RUFY3: variants seen among roughly 807,000 people sequenced by gnomAD.
RUFY3 encodes the protein RUN and FYVE domain containing 3.
RUFY3 carries 34 observed loss-of-function variants against 84.0 expected under a neutral mutation model. That is an observed-to-expected ratio of 0.40 (90% CI 0.31 to 0.54). The LOEUF (loss-of-function observed/expected upper bound fraction) is 0.54, where lower values mean the gene tolerates loss of function less well. Ranked by LOEUF, RUFY3 falls within the 20% of genes least tolerant of loss-of-function variation. RUFY3 has a pLI of 0.39. For synonymous variants in RUFY3, 242 were observed against 252.9 expected (o/e 0.96, Z 0.41); for missense variants, 507 against 736.8 (o/e 0.69, Z 3.61).
At chr4:70,736,593 C>T (rs765108126) in intron 1 of RUFY3, among the ~76,000 whole-genome samples, 6 of 150,664 alleles carry the variant, frequency 4.0e-5, no homozygotes, top group South Asian at 2.1e-4. Flanking sequence ...TTTTCTGAGA[C>T]GGAGTTTTGC....
At chr4:70,765,141 G>A in intron 4 of RUFY3, among the ~76,000 whole-genome samples, 1 of 149,004 alleles carries the variant, frequency 6.7e-6, no homozygotes, top group Non-Finnish European at 1.5e-5. Flanking sequence ...TGATCCGAGA[G>A]CGTGCCACCA....
chr4:70,770,171 A>G (rs919375263), intron 5 of RUFY3, among the ~76,000 whole-genome samples: 12 of 152,150 alleles, frequency 7.9e-5, no homozygotes, highest in Non-Finnish European at 2.9e-5. Context: ...CATCATTCTT[A>G]AGGGCCCTAG....
At chr4:70,758,011 T>C (rs1724324632) in intron 1 of RUFY3, among the ~76,000 whole-genome samples, 2 of 152,362 alleles carry the variant, frequency 1.3e-5, no homozygotes, top group Middle Eastern at 3.4e-3. Context: ...TTCTGGCTTA[T>C]ACAATATAAC....
chr4:70,792,153 T>G (rs1209235896), intron 12 of RUFY3: 1 of 985,206 alleles, frequency 1.0e-6, no homozygotes, highest in Non-Finnish European at 1.2e-6. Context: ...CAGTACCCAT[T>G]TTTCGTATCC....
At chr4:70,803,524 G>T (rs1732498800) in intron 16 of RUFY3, among the ~76,000 whole-genome samples, 1 of 151,522 alleles carries the variant, frequency 6.6e-6, no homozygotes, top group Non-Finnish European at 1.5e-5. Flanking sequence ...GACGATCTCA[G>T]CTCACTGAAG....
chr4:70,774,668 T>TATAAA (rs1408564666), intron 6 of RUFY3, among the ~76,000 whole-genome samples: 1 of 103,586 alleles, frequency 9.7e-6, no homozygotes, highest in Non-Finnish European at 1.9e-5. Context: ...TATATATATA[T>TATAAA]ATAAAATAAA....
intron 8 of RUFY3, among the ~76,000 whole-genome samples, chr4:70,782,635 G>A (rs770373093): frequency 5.9e-5 from 9 of 151,942 alleles, no homozygotes; most frequent in Non-Finnish European, 1.2e-4. Flanking sequence ...TTTCTTGGTC[G>A]GGCGCAGTGG....
intron 1 of RUFY3, among the ~76,000 whole-genome samples, chr4:70,727,063 C>G (rs566620830): frequency 7.2e-6 from 1 of 139,808 alleles, no homozygotes; most frequent in South Asian, 2.2e-4. Context: ...TTTTTTTAAC[C>G]GAAGCAATGT....
At position 70,806,607 on chromosome 4, in the gene RUFY3, G is replaced by A. The variant is rs1732880852; in HGVS notation, c.1811G>A (p.Cys604Tyr). The A allele has an allele frequency of 3.1e-6, 5 of 1,614,134 alleles. No individual in the cohort carries two copies. In the East Asian group the frequency reaches 1.1e-4, roughly 36 times the overall value. Residue 604 changes from cysteine (C) to tyrosine (Y), a missense_variant, in exon 18 of 18, where the codon TGC becomes TAC. Transcript: ENST00000381006. ...TCAAGTATCAAGCTTGAGCGAGTTT[G>A]CAATCCCTGTCACAAGCATCTGATG... ...LPSSIKLERVCNPCHKHLMKQ... is the reference protein window; with the variant it reads ...LPSSIKLERVYNPCHKHLMKQ...
At chr4:70,728,710 CT>C (rs1445433898) in intron 1 of RUFY3, among the ~76,000 whole-genome samples, 1 of 152,060 alleles carries the variant, frequency 6.6e-6, no homozygotes, top group African/African-American at 2.4e-5. Flanking sequence ...CACATTCCTA[CT>C]CTCTGTTATC....
chr4:70,705,062 C>T, exon 1 of RUFY3: 3 of 1,284,560 alleles, frequency 2.3e-6, no homozygotes, highest in Non-Finnish European at 9.8e-7. Context: ...ACCGAGAGGG[C>T]GAGGCGGGGC....
chr4:70,743,731 A>G (rs1721701750), intron 1 of RUFY3, among the ~76,000 whole-genome samples: 2 of 152,162 alleles, frequency 1.3e-5, no homozygotes, highest in Admixed American at 1.3e-4. Flanking sequence ...ATAGATTTCC[A>G]GTCAAGTGAT....
At chr4:70,708,736 AGTGCTG>A (rs1483796864) in intron 1 of RUFY3, among the ~76,000 whole-genome samples, 1 of 152,244 alleles carries the variant, frequency 6.6e-6, no homozygotes, top group African/African-American at 2.4e-5. Flanking sequence ...TTTAAATAAC[AGTGCTG>A]AAGAATAGCA....
chr4:70,772,768 C>G (rs1472840325), intron 5 of RUFY3, among the ~76,000 whole-genome samples: 1 of 152,022 alleles, frequency 6.6e-6, no homozygotes, highest in African/African-American at 2.4e-5. Context: ...TCAAGCAATT[C>G]TCCTGCCTCA....
chr4:70,770,426 A>G (rs1172217975), intron 5 of RUFY3, among the ~76,000 whole-genome samples: 1 of 152,202 alleles, frequency 6.6e-6, no homozygotes, highest in Non-Finnish European at 1.5e-5. Context: ...AACTTGCTAC[A>G]GCTTCTATTA....
At chr4:70,723,155 A>C (rs887836696) in intron 1 of RUFY3, among the ~76,000 whole-genome samples, 1 of 152,236 alleles carries the variant, frequency 6.6e-6, no homozygotes, top group Non-Finnish European at 1.5e-5. Flanking sequence ...AGGATTGTAC[A>C]TGATGAATAC....
chr4:70,780,335 G>A (rs537611267), intron 8 of RUFY3, among the ~76,000 whole-genome samples: 2 of 151,688 alleles, frequency 1.3e-5, no homozygotes, highest in South Asian at 2.1e-4. Flanking sequence ...TTGCTTTGTC[G>A]CCCAGGTTGA....
upstream of RUFY3, among the ~76,000 whole-genome samples, chr4:70,720,499 G>A (rs575032557): frequency 5.4e-4 from 82 of 152,160 alleles, no homozygotes; most frequent in African/African-American, 1.8e-3. Context: ...CCCTGTCTTC[G>A]TAACAATATG....
At chr4:70,770,395 T>C (rs1033198735) in intron 5 of RUFY3, among the ~76,000 whole-genome samples, 1 of 152,346 alleles carries the variant, frequency 6.6e-6, no homozygotes, top group Admixed American at 6.5e-5. Context: ...TCATCAATTA[T>C]CTTAATTAGA....
Sources: gnomAD v4.1 joint callset for allele counts (sites outside exome capture counted in the v4.1 genomes callset) on GRCh38, gnomAD v4.1.1 for gene constraint, MANE v1.5 for transcripts, NCBI Gene and HGNC (gene_info 2026-07-23, HGNC 2026-07-21) for gene names.